Variants in HEATR1 observed in about 807,000 individuals in gnomAD.
HEATR1 encodes HEAT repeat-containing protein 1.
Under a neutral mutation model 248.2 loss-of-function variants are expected in HEATR1, and 77 were observed. The ratio of observed to expected loss-of-function variants is 0.31; its 90% CI spans 0.26 to 0.37. The LOEUF (loss-of-function observed/expected upper bound fraction) is 0.37, where lower values mean the gene tolerates loss of function less well. Among genes scored for constraint, HEATR1 ranks in the 10% least tolerant of loss-of-function variants. The probability of loss-of-function intolerance (pLI) is 1.00; values close to 1 mark genes in which losing one functional copy is unlikely to be tolerated. For missense variants in HEATR1, 2,420 were observed against 2,504.9 expected, an observed-to-expected ratio of 0.97 and a Z score of 0.72; for synonymous variants, 897 against 923.1, an observed-to-expected ratio of 0.97 and a Z score of 0.51.
At chr1:236,552,871 A>T (rs1662816503) in intron 43 of HEATR1, 1 of 152,352 alleles carries the variant, frequency 6.6e-6, no homozygotes, top group South Asian at 2.1e-4. Context: ...TAAATTTGAT[A>T]CTGCTACTTG....
intron 38 of HEATR1, 72 bp from the exon 39 acceptor site, chr1:236,556,011 A>C: frequency 6.2e-7 from 1 of 1,606,562 alleles, no homozygotes; most frequent in Non-Finnish European, 8.5e-7. Context: ...GTATTTTTAA[A>C]AACTAAATCT....
chr1:236,556,336 G>C (rs913873933), intron 37 of HEATR1, 78 bp from the exon 38 acceptor site: 5 of 1,424,848 alleles, frequency 3.5e-6, no homozygotes, highest in Non-Finnish European at 4.9e-6. Context: ...GAGGCTTCAT[G>C]ATGAGGTACT....
chr1:236,568,644 A>C (rs1663336035), intron 29 of HEATR1, among the ~76,000 whole-genome samples: 1 of 152,206 alleles, frequency 6.6e-6, no homozygotes, highest in African/African-American at 2.4e-5. Flanking sequence ...ACATGTAAGA[A>C]GGTATTATCA....
At chr1:236,561,452 ATTTAT>A (rs1282926397) in intron 32 of HEATR1, among the ~76,000 whole-genome samples, 181 bp from the exon 33 acceptor site, 23 of 152,178 alleles carry the variant, frequency 1.5e-4, no homozygotes, top group Non-Finnish European at 2.4e-4. Flanking sequence ...ATTTCTCTTA[ATTTAT>A]TTTAATTACA....
intron 7 of HEATR1, 41 bp downstream of exon 7, chr1:236,595,792 C>T: frequency 1.3e-6 from 2 of 1,537,646 alleles, no homozygotes; most frequent in Non-Finnish European, 1.8e-6. Context: ...TAATTTTATT[C>T]ACCTCTGACT....
chr1:236,600,292 A>AT lies in HEATR1; in HGVS notation c.360-669_360-668insA, dbSNP rs746255139. Among the ~76,000 whole-genome samples, 215 of 148,054 alleles carry AT rather than the reference A, an allele frequency of 1.5e-3. No homozygotes were observed. In the Middle Eastern group the frequency reaches 0.018, roughly 12 times the overall value. ...CAAACTCATACCACCATGCCCAGCTAATTTTTTTTTTTTACTTTAGTAGAG... is the reference window on the plus strand; with the variant it reads ...CAAACTCATACCACCATGCCCAGCTATATTTTTTTTTTTTACTTTAGTAGAG... On this transcript the variant is annotated intron_variant, in intron 3 of 44. Coordinates refer to ENST00000366582, the MANE Select transcript of HEATR1 (RefSeq NM_018072.6).
In HEATR1 at chr1:236,591,766, T is replaced by C. The variant is rs1430299549; in HGVS notation, c.1422+227A>G. On this transcript the variant is annotated intron_variant, in intron 11 of 44. Transcript: ENST00000366582. The stretch of plus-strand genomic sequence containing the variant: ...CAAAATTCTCAAACAATACTTTTCC[T>C]GAAATAAGTATCACGTTCATAGTTA... Among the ~76,000 whole-genome samples, 4 of 152,168 alleles carry C rather than the reference T, an allele frequency of 2.6e-5. No individual in the cohort carries two copies. The South Asian group carries it at 8.3e-4, about 32-fold the overall frequency.
At chr1:236,566,953 G>A in intron 29 of HEATR1, 77 bp from the exon 30 acceptor site, 1 of 890,260 alleles carries the variant, frequency 1.1e-6, no homozygotes, top group Non-Finnish European at 1.8e-6. Context: ...ACAAGATAAG[G>A]CTTTTAGATG....
chr1:236,560,453 G>C (rs140286838), intron 33 of HEATR1, among the ~76,000 whole-genome samples: 4 of 152,204 alleles, frequency 2.6e-5, no homozygotes, highest in African/African-American at 7.2e-5. Context: ...GAGCTAGAGG[G>C]AAGAGTGGAG....
chr1:236,560,459 T>C (rs1420942686), intron 33 of HEATR1, among the ~76,000 whole-genome samples: 1 of 150,600 alleles, frequency 6.6e-6, no homozygotes, highest in Non-Finnish European at 1.5e-5. Context: ...GAGGGAAGAG[T>C]GGAGACAGAA....
chr1:236,581,285 A>G lies in HEATR1; in HGVS notation c.2692T>C (p.Cys898Arg). The G allele has an allele frequency of 6.2e-7, 1 of 1,613,932 alleles. No homozygotes were observed. The highest frequency in any genetic ancestry group is 8.5e-7 in the Non-Finnish European group (1 of 1,179,960). ...VLQTQALYVGCAMLSSQKTQC... is the reference protein window; with the variant it reads ...VLQTQALYVGRAMLSSQKTQC... ...GTCTTCTGAGAAGAAAGCATTGCAC[A>G]GCCCACATAAAGAGCTTGAGTCTGC... The change falls in exon 20 of 45, where the codon TGT (cysteine) becomes CGT (arginine). Residue 898 changes from cysteine (C) to arginine (R), a missense_variant. Cys to Arg is a radical substitution (Grantham distance 180). Coordinates refer to ENST00000366582, the MANE Select transcript of HEATR1 (RefSeq NM_018072.6).
Position 236,564,258 on chromosome 1 carries a change from C to T in HEATR1, c.4599+240G>A, listed in dbSNP as rs140227422. ...TTTTGGTGTACAGGTTCATAAACTT[C>T]TGATGGGTACACAACACTTAAGAAT... On this transcript the variant is annotated intron_variant, in intron 32 of 44. Coordinates refer to ENST00000366582, the MANE Select transcript of HEATR1 (RefSeq NM_018072.6). 4.1e-3 allele frequency among the ~76,000 whole-genome samples: 620 copies of T among 152,304 alleles called. 4 individuals carry two copies. The highest frequency in any genetic ancestry group is 5.3e-3 in the Non-Finnish European group (358 of 68,028).
Position 236,558,538 on chromosome 1 carries a change from G to T in HEATR1, c.4912-9C>A. 6.2e-7 allele frequency: 1 copy of T among 1,600,670 alleles called. No homozygotes were observed. The highest frequency in any genetic ancestry group is 8.5e-7 in the Non-Finnish European group (1 of 1,172,192). ...TTTAGGAAACGGGTAACCTGAAGGG[G>T]ACAGCCAGAATCCCCAAATCATTAA... On this transcript the variant is annotated splice_polypyrimidine_tract_variant and intron_variant, in intron 35 of 44. Transcript: ENST00000366582.
chr1:236,594,001 TAATA>T lies in HEATR1; in HGVS notation c.1193+7_1193+10del, dbSNP rs1664110242. 6.5e-7 allele frequency: 1 copy of T among 1,539,536 alleles called. No individual in the cohort carries two copies. The highest frequency in any genetic ancestry group is 1.4e-5 in the African/African-American group (1 of 71,800). On this transcript the variant is annotated splice_region_variant and intron_variant, in intron 9 of 44. Coordinates refer to ENST00000366582, the MANE Select transcript of HEATR1 (RefSeq NM_018072.6). Reference sequence around the variant, plus strand: ...ATGTAAATCAAAAGCATGTCAAAAATAATAGCTTACCTAGCCAACAAATGGTCTA... The same window carrying T: ...ATGTAAATCAAAAGCATGTCAAAAATGCTTACCTAGCCAACAAATGGTCTA...
At chr1:236,595,228 GA>G (rs147506665) in intron 8 of HEATR1, among the ~76,000 whole-genome samples, 9,173 of 152,084 alleles carry the variant, frequency 0.06, 409 homozygotes, top group East Asian at 0.24. Context: ...ACCTAAATGA[GA>G]AGGCAAAGGT....
chr1:236,570,466 G>A (rs967925172), intron 28 of HEATR1, among the ~76,000 whole-genome samples: 13 of 152,120 alleles, frequency 8.5e-5, no homozygotes, highest in Non-Finnish European at 7.4e-5. Flanking sequence ...TGGTGGTGGT[G>A]CTGGTGGTGA....
intron 28 of HEATR1, among the ~76,000 whole-genome samples, chr1:236,571,036 T>C (rs1364920440): frequency 3.9e-5 from 6 of 152,248 alleles, no homozygotes; most frequent in Non-Finnish European, 8.8e-5. Flanking sequence ...TTAACACCAA[T>C]ACCTACTGTT....
Position 236,550,992 on chromosome 1 carries a change from TAAAAAA to T in HEATR1, c.6347-8_6347-3del. ...GATGTTCTACTTCTTCACATTCATC[TAAAAAA>T]AAAAAAAAAAAATCAAAATTAAAAT... On this transcript the variant is annotated splice_polypyrimidine_tract_variant and splice_region_variant and intron_variant, in intron 44 of 44. Coordinates refer to ENST00000366582, the MANE Select transcript of HEATR1 (RefSeq NM_018072.6). The T allele has an allele frequency of 2.4e-6, 3 of 1,254,958 alleles. No individual in the cohort carries two copies. The highest frequency in any genetic ancestry group is 3.2e-6 in the Non-Finnish European group (3 of 934,348). The allele number at this position is 1,254,958 out of a possible 1,614,324, so 77.7% of individuals were successfully genotyped here. A position where few individuals can be genotyped will look rare whatever the true frequency, so the allele number is the denominator to read the frequency against.
intron 41 of HEATR1, 31 bp downstream of exon 41, chr1:236,555,265 G>C (rs750238170): frequency 3.7e-6 from 6 of 1,609,280 alleles, no homozygotes; most frequent in South Asian, 1.1e-5. Context: ...CACAGGGCAA[G>C]GGTGACAGCT....
Sources: gnomAD v4.1 joint callset for allele counts (sites outside exome capture counted in the v4.1 genomes callset) on GRCh38, gnomAD v4.1.1 for gene constraint, MANE v1.5 for transcripts, NCBI Gene and HGNC (gene_info 2026-07-23, HGNC 2026-07-21) for gene names.